The following COX15 variants were observed in gnomAD, a reference collection of about 807,000 sequenced individuals.
COX15 encodes cytochrome c oxidase assembly factor COX15.
In COX15, 51 loss-of-function variants were observed where a neutral mutation model predicts 51.9. The ratio of observed to expected loss-of-function variants is 0.98; its 90% confidence interval spans 0.78 to 1.24. The LOEUF (loss-of-function observed/expected upper bound fraction) is 1.24, where lower values mean the gene tolerates loss of function less well. Ranked by LOEUF, COX15 falls within the 50% of genes most tolerant of loss-of-function variation. The pLI is 0.00. For missense variants in COX15, 420 were observed against 501.1 expected (o/e 0.84, Z 1.55); for synonymous variants, 188 against 190.5 (o/e 0.99, Z 0.11).
chr10:99,728,605 T>C, intron 2 of COX15, among the ~76,000 whole-genome samples: 1 of 152,252 alleles, frequency 6.6e-6, no homozygotes, highest in East Asian at 1.9e-4. Flanking sequence ...AATTAATGGC[T>C]GTTAACATCT....
chr10:99,710,582 A>G (rs1439530520), downstream of COX15: 6 of 985,318 alleles, frequency 6.1e-6, no homozygotes, highest in African/African-American at 1.0e-4. Context: ...ACTGACAAAC[A>G]TTTTAGGTCA....
the COX15 span, among the ~76,000 whole-genome samples, chr10:99,694,947 A>G: frequency 2.0e-5 from 3 of 152,234 alleles, no homozygotes; most frequent in African/African-American, 7.2e-5. Flanking sequence ...ATTTTATAAT[A>G]ATACATATAT....
intron 1 of COX15, among the ~76,000 whole-genome samples, chr10:99,730,925 A>T (rs1177525630): frequency 6.6e-6 from 1 of 152,144 alleles, no homozygotes; most frequent in East Asian, 1.9e-4. Context: ...GCACAGTGGC[A>T]CACACTTGTA....
the COX15 span, chr10:99,704,363 A>G: frequency 3.9e-6 from 5 of 1,276,264 alleles, no homozygotes; most frequent in Admixed American, 5.5e-5. Context: ...AATAAATGTG[A>G]TAACACTACT....
At chr10:99,710,463 C>A, downstream of COX15, 3 of 984,512 alleles carry the variant, frequency 3.0e-6, no homozygotes, top group South Asian at 4.7e-5. Flanking sequence ...CTTTAAAAAA[C>A]CAAAGGCTGC....
intron 5 of COX15, among the ~76,000 whole-genome samples, chr10:99,723,692 C>T (rs1163581530): frequency 6.6e-6 from 1 of 152,138 alleles, no homozygotes; most frequent in African/African-American, 2.4e-5. Context: ...TTGTCCACAC[C>T]AGAAGTTCAG....
chr10:99,732,105 C>T lies in COX15; in HGVS notation c.-56G>A, dbSNP rs950038838. The T allele has an allele frequency of 1.0e-5, 16 of 1,580,880 alleles. No homozygotes were observed. In the East Asian group the frequency reaches 2.1e-4, roughly 21 times the overall value. On this transcript the variant is annotated 5_prime_UTR_variant, in exon 1 of 9. Coordinates refer to ENST00000016171, the MANE Select transcript of COX15 (RefSeq NM_078470.6). The stretch of plus-strand genomic sequence containing the variant: ...CAACCCAGGGCTCTGTGGTCTCCCT[C>T]CTCCGCCAAGGAAAAGAGAAGCACT...
At chr10:99,728,707 T>C (rs1055553293) in intron 2 of COX15, among the ~76,000 whole-genome samples, 3 of 152,158 alleles carry the variant, frequency 2.0e-5, no homozygotes, top group African/African-American at 7.2e-5. Flanking sequence ...AACCAACTAC[T>C]CATTCACAGG....
At position 99,712,963 on chromosome 10, in the gene COX15, C is replaced by G; in HGVS notation, c.*1624G>C. 1.0e-6 allele frequency: 1 copy of G among 976,302 alleles called. No individual in the cohort carries two copies. The highest frequency in any genetic ancestry group is 9.4e-5 in the East Asian group (1 of 10,584). 60.5% of individuals were successfully genotyped at this position (976,302 alleles called of 1,614,324 possible). ...TGTTCTCTGCTCCAGTTAAATATCC[C>G]TAGTTCCTTCACCTATTCCCTGTGT... On this transcript the variant is annotated 3_prime_UTR_variant, in exon 9 of 9. Coordinates refer to ENST00000016171, the MANE Select transcript of COX15 (RefSeq NM_078470.6).
the COX15 span, chr10:99,702,491 T>G: frequency 6.6e-7 from 1 of 1,512,220 alleles, no homozygotes; most frequent in Admixed American, 2.4e-5. Flanking sequence ...TTTTTAAAAT[T>G]TAATTATTTT....
At position 99,720,337 on chromosome 10, in the gene COX15, C is replaced by T. The variant is rs184741769; in HGVS notation, c.832+650G>A. 1.4e-3 allele frequency among the ~76,000 whole-genome samples: 209 copies of T among 152,132 alleles called. 1 individual carries two copies. Among genetic ancestry groups the T allele is most frequent in the African/African-American group, 4.9e-3 (205 of 41,512 alleles). On this transcript the variant is annotated intron_variant, in intron 6 of 8. Transcript: ENST00000016171. ...GTGTGCACCTGTAGTCTTAGCTACT[C>T]GGGAGGCTGAGGCACGAGAATCGCT...
At chr10:99,721,975 T>C (rs1241131379) in intron 5 of COX15, among the ~76,000 whole-genome samples, 1 of 152,124 alleles carries the variant, frequency 6.6e-6, no homozygotes, top group Non-Finnish European at 1.5e-5. Context: ...GCGATTCTCC[T>C]GCCTCAGCCT....
Position 99,714,540 on chromosome 10 carries a change from G to A in COX15, c.*47C>T, listed in dbSNP as rs770105479. The A allele has an allele frequency of 3.1e-6, 5 of 1,613,178 alleles. No individual in the cohort carries two copies. In the African/African-American group the frequency reaches 4.0e-5, roughly 13 times the overall value. On this transcript the variant is annotated 3_prime_UTR_variant, in exon 9 of 9. Transcript: ENST00000016171. ...AGCCCAAGTTCTTATGATCTCTGAA[G>A]AGCTCTCAAAAGCAGTCACAGTCCC...
chr10:99,724,186 T>G (rs1465289018), intron 4 of COX15, 63 bp from the exon 5 acceptor site: 1 of 1,593,536 alleles, frequency 6.3e-7, no homozygotes, highest in African/African-American at 1.3e-5. Flanking sequence ...AACTTTCTTT[T>G]TTTTGTTGTT....
At chr10:99,698,497 G>GTT in the COX15 span, 2 of 1,563,464 alleles carry the variant, frequency 1.3e-6, no homozygotes, top group South Asian at 1.2e-5. Context: ...CAGGCATGAC[G>GTT]TGTTTGTTTG....
At chr10:99,725,819 G>A (rs1468187338) in intron 4 of COX15, among the ~76,000 whole-genome samples, 1 of 152,188 alleles carries the variant, frequency 6.6e-6, no homozygotes, top group Admixed American at 6.5e-5. Flanking sequence ...AAAGTGTTGG[G>A]ATTACAGGTG....
rs863223941 is a variant in COX15 at position 99,729,670 on chromosome 10, T to C, written c.155A>G (p.Gln52Arg). Residue 52 changes from glutamine (Q) to arginine (R), a missense_variant, in exon 2 of 9, where the codon CAA (glutamine) becomes CGA (arginine). Gln to Arg is a conservative substitution (Grantham distance 43). Transcript: ENST00000016171. ...AAGGGACACTGTACCCCTTCCAGAT[T>C]GCAAAGCTACTTCAGAGATGGTGCT... ...QYSTISEVAL[Q>R]SGRGTVSLPS... The C allele has an allele frequency of 1.9e-6, 3 of 1,614,124 alleles. No homozygotes were observed. Among genetic ancestry groups the C allele is most frequent in the Non-Finnish European group, 2.5e-6 (3 of 1,180,036 alleles).
chr10:99,730,429 CA>C (rs1340874554), intron 1 of COX15, among the ~76,000 whole-genome samples: 1 of 151,944 alleles, frequency 6.6e-6, no homozygotes, highest in Non-Finnish European at 1.5e-5. Flanking sequence ...ACCAAAAATA[CA>C]AAAATTAGCT....
chr10:99,724,536 C>A (rs976425299), intron 4 of COX15, among the ~76,000 whole-genome samples: 21 of 152,068 alleles, frequency 1.4e-4, no homozygotes, highest in African/African-American at 4.8e-4. Flanking sequence ...CTACCCCACC[C>A]CTCCTCTTTC....
Sources: allele counts gnomAD v4.1 joint callset (sites outside exome capture counted in the v4.1 genomes callset), GRCh38; gene constraint gnomAD v4.1.1; transcripts MANE v1.5; gene names NCBI Gene and HGNC (gene_info 2026-07-23, HGNC 2026-07-21).